CACNA1E: variants seen among roughly 807,000 people sequenced by gnomAD.
The protein encoded by CACNA1E is voltage-dependent R-type calcium channel subunit alpha-1E.
CACNA1E carries 40 observed loss-of-function variants against 259.2 expected under a neutral mutation model. That is an observed-to-expected ratio of 0.15 (90% CI 0.12 to 0.20). The LOEUF (loss-of-function observed/expected upper bound fraction) is 0.20. Among genes scored for constraint, CACNA1E ranks in the 10% least tolerant of loss-of-function variants. The pLI is 1.00. For synonymous variants in CACNA1E, 1,104 were observed against 1,138.5 expected, an observed-to-expected ratio of 0.97 and a Z score of 0.61; for missense variants, 1,874 against 3,040.1, an observed-to-expected ratio of 0.62 and a Z score of 9.02.
At chr1:181,747,179 C>T (rs1278239720) in intron 25 of CACNA1E, among the ~76,000 whole-genome samples, 1 of 152,178 alleles carries the variant, frequency 6.6e-6, no homozygotes, top group Non-Finnish European at 1.5e-5. Context: ...CTGAGCTATT[C>T]CCCGCTCATG....
At chr1:181,475,723 T>C (rs1175403943) in intron 2 of CACNA1E, among the ~76,000 whole-genome samples, 1 of 152,194 alleles carries the variant, frequency 6.6e-6, no homozygotes, top group African/African-American at 2.4e-5. Flanking sequence ...CAATGTAACA[T>C]GCATAGCAAC....
At chr1:181,437,980 G>A (rs1348678305) in intron 2 of CACNA1E, among the ~76,000 whole-genome samples, 1 of 152,150 alleles carries the variant, frequency 6.6e-6, no homozygotes, top group African/African-American at 2.4e-5. Flanking sequence ...ACAGGTCCAA[G>A]GAACTTTTGA....
chr1:181,472,373 A>C (rs1662565392), intron 2 of CACNA1E, among the ~76,000 whole-genome samples: 1 of 152,224 alleles, frequency 6.6e-6, no homozygotes, highest in South Asian at 2.1e-4. Context: ...ATAAGTAGAT[A>C]TCAGCTGCTC....
chr1:181,650,351 A>C (rs1021614002), intron 6 of CACNA1E, among the ~76,000 whole-genome samples: 1 of 152,188 alleles, frequency 6.6e-6, no homozygotes. Flanking sequence ...GTAGAGATAA[A>C]ATATCTGTTG....
rs593942 is a variant in CACNA1E, at chr1:181,790,337, T to A, written c.5787-108T>A. 115,099 of 565,748 alleles carry A rather than the reference T, an allele frequency of 0.2. 12,793 individuals carry two copies. Among genetic ancestry groups the A allele is most frequent in the South Asian group, 0.28 (10,696 of 38,558 alleles). 35.0% of individuals were successfully genotyped at this position (565,748 alleles called of 1,614,324 possible). A position where few individuals can be genotyped will look rare whatever the true frequency, so the allele number is the denominator to read the frequency against. ...TCAGGACTAGCCACATGTAAGTTAC[T>A]AGGTTTACAAAAGCCAGCCAAGGCT... On this transcript the variant is annotated intron_variant, in intron 43 of 47. Transcript: ENST00000367573.
intron 6 of CACNA1E, among the ~76,000 whole-genome samples, chr1:181,590,833 G>T (rs773281177): frequency 6.7e-6 from 1 of 149,888 alleles, no homozygotes; most frequent in African/African-American, 2.4e-5. Flanking sequence ...GGACTTGTCA[G>T]CTGGTATCTG....
chr1:181,713,012 G>T (rs1283971675), intron 8 of CACNA1E, among the ~76,000 whole-genome samples: 1 of 152,234 alleles, frequency 6.6e-6, no homozygotes, highest in Non-Finnish European at 1.5e-5. Flanking sequence ...ACGTCAAAGT[G>T]TGCTTCCTGG....
chr1:181,720,360 T>A (rs1241070345), intron 14 of CACNA1E, 23 bp downstream of exon 14: 1 of 1,607,132 alleles, frequency 6.2e-7, no homozygotes, highest in South Asian at 1.1e-5. Context: ...AAGCTTTCCA[T>A]CCAAAGGAGG....
intron 6 of CACNA1E, among the ~76,000 whole-genome samples, chr1:181,641,703 GTTTTTTTTTTTTT>G (rs751082929): frequency 1.2e-5 from 1 of 81,116 alleles, no homozygotes; most frequent in Admixed American, 1.5e-4. Flanking sequence ...CTAATTTTTT[GTTTTTTTTTTTTT>G]TTTTTTTTTT....
intron 1 of CACNA1E, among the ~76,000 whole-genome samples, chr1:181,380,905 T>A (rs776986081): frequency 3.3e-5 from 5 of 152,344 alleles, no homozygotes; most frequent in Non-Finnish European, 5.9e-5. Flanking sequence ...CGGTGGCCCA[T>A]GCCTGTCCCA....
At chr1:181,610,735 A>G (rs1230713010) in intron 6 of CACNA1E, among the ~76,000 whole-genome samples, 1 of 152,174 alleles carries the variant, frequency 6.6e-6, no homozygotes. Context: ...GCCACATTGG[A>G]GCATCTTGGG....
At chr1:181,692,331 G>C (rs1651249858) in intron 7 of CACNA1E, among the ~76,000 whole-genome samples, 3 of 152,070 alleles carry the variant, frequency 2.0e-5, no homozygotes. Flanking sequence ...CTAAAAAAGG[G>C]CCCAAATAGC....
At chr1:181,338,282 C>T (rs941241773) in intron 1 of CACNA1E, among the ~76,000 whole-genome samples, 15 of 152,252 alleles carry the variant, frequency 9.9e-5, no homozygotes, top group East Asian at 5.8e-4. Flanking sequence ...GATGGAGTTT[C>T]GCCATGTTGG....
intron 44 of CACNA1E, among the ~76,000 whole-genome samples, chr1:181,791,827 G>A (rs1386340502): frequency 6.6e-6 from 1 of 151,972 alleles, no homozygotes; most frequent in Non-Finnish European, 1.5e-5. Flanking sequence ...ATCCCTCCCC[G>A]CTGCTACTGT....
At chr1:181,622,727 G>A (rs990399312) in intron 6 of CACNA1E, among the ~76,000 whole-genome samples, 17 of 152,090 alleles carry the variant, frequency 1.1e-4, no homozygotes, top group Non-Finnish European at 1.9e-4. Flanking sequence ...ACACAATTCC[G>A]ATCATAATCC....
chr1:181,459,128 A>G (rs6689905), intron 2 of CACNA1E, among the ~76,000 whole-genome samples: 100,397 of 152,236 alleles, frequency 0.66, 35,068 homozygotes, highest in African/African-American at 0.91. Context: ...CAAAGGTAGC[A>G]TGTGAGCTGA....
At chr1:181,328,310 C>A (rs1034852323) in intron 1 of CACNA1E, among the ~76,000 whole-genome samples, 4 of 152,094 alleles carry the variant, frequency 2.6e-5, no homozygotes, top group African/African-American at 9.7e-5. Context: ...TTCATGAGGT[C>A]TCCACCCTCA....
intron 3 of CACNA1E, among the ~76,000 whole-genome samples, chr1:181,544,380 T>C: frequency 6.8e-6 from 1 of 146,412 alleles, no homozygotes; most frequent in East Asian, 2.0e-4. Context: ...GTGGTGATGG[T>C]TGCACAATCC....
intron 6 of CACNA1E, among the ~76,000 whole-genome samples, chr1:181,623,440 G>C (rs1349574069): frequency 6.6e-6 from 1 of 152,184 alleles, no homozygotes; most frequent in Non-Finnish European, 1.5e-5. Context: ...ATAATTTGAG[G>C]ATGGGTATTT....
Sources: gnomAD v4.1 joint callset for allele counts (sites outside exome capture counted in the v4.1 genomes callset) on GRCh38, gnomAD v4.1.1 for gene constraint, MANE v1.5 for transcripts, NCBI Gene and HGNC (gene_info 2026-07-23, HGNC 2026-07-21) for gene names.